The following ST6GALNAC3 variants were observed in gnomAD, a reference collection of about 807,000 sequenced individuals.
ST6GALNAC3 encodes the protein ST6 N-acetylgalactosaminide alpha-2,6-sialyltransferase 3.
Under a neutral mutation model 32.7 loss-of-function variants are expected in ST6GALNAC3, and 25 were observed. That is an observed-to-expected ratio of 0.76 (90% CI 0.56 to 1.07). ST6GALNAC3 has a LOEUF of 1.07. ST6GALNAC3 is among the 50% of genes least tolerant of loss of function. ST6GALNAC3 has a pLI of 0.00. For missense variants in ST6GALNAC3, 355 were observed against 382.4 expected, an observed-to-expected ratio of 0.93 and a Z score of 0.60; for synonymous variants, 129 against 133.1, an observed-to-expected ratio of 0.97 and a Z score of 0.21.
At chr1:76,176,229 C>T (rs1652841916) in intron 1 of ST6GALNAC3, among the ~76,000 whole-genome samples, 2 of 152,156 alleles carry the variant, frequency 1.3e-5, no homozygotes, top group African/African-American at 4.8e-5. Flanking sequence ...CTGGAGATTG[C>T]CCACGCCCTC....
intron 2 of ST6GALNAC3, among the ~76,000 whole-genome samples, chr1:76,354,431 A>G (rs1649274818): frequency 6.6e-6 from 1 of 152,190 alleles, no homozygotes; most frequent in Non-Finnish European, 1.5e-5. Context: ...TGTTCTCAGT[A>G]CCTGGAACAG....
rs1027057099 is a variant in ST6GALNAC3 at position 76,485,154 on chromosome 1, G to T, written c.623+72737G>T. Among the ~76,000 whole-genome samples the T allele has an allele frequency of 9.9e-5, 15 of 152,274 alleles. No homozygotes were observed. The Middle Eastern group carries it at 0.014, about 138-fold the overall frequency. ...TTTTACTGAGGATTTTTGCATCGAT[G>T]TTCATCAGGGATATTGGTCTAAAAT... On this transcript the variant is annotated intron_variant, in intron 3 of 4. Transcript: ENST00000328299.
At chr1:76,158,236 T>C (rs1651585900) in intron 1 of ST6GALNAC3, among the ~76,000 whole-genome samples, 1 of 152,122 alleles carries the variant, frequency 6.6e-6, no homozygotes, top group African/African-American at 2.4e-5. Flanking sequence ...GAACAGGTGG[T>C]TTTACTTTTT....
rs1649261440 is a variant in ST6GALNAC3, at chr1:76,630,845, CCACT to C, written c.*2042_*2045del. 4 of 985,196 alleles carry C rather than the reference CCACT, an allele frequency of 4.1e-6. No homozygotes were observed. Among genetic ancestry groups the C allele is most frequent in the Non-Finnish European group, 4.8e-6 (4 of 829,714 alleles). 61.0% of individuals were successfully genotyped at this position (985,196 alleles called of 1,614,324 possible). ...TTGAGCTAATGATAGATAGAAATGC[CCACT>C]CAAAGAAAAATAAACAGAGACAAAT... is the stretch of plus-strand genomic sequence containing the variant. On this transcript the variant is annotated 3_prime_UTR_variant, in exon 5 of 5. Coordinates refer to ENST00000328299, the MANE Select transcript of ST6GALNAC3 (RefSeq NM_152996.4).
chr1:76,146,368 G>A (rs11162087), intron 1 of ST6GALNAC3, among the ~76,000 whole-genome samples: 79,502 of 152,028 alleles, frequency 0.52, 23,437 homozygotes, highest in East Asian at 0.87. Flanking sequence ...TCAGATGAGA[G>A]GCATTCAGAA....
chr1:76,349,187 C>G (rs1449637743), intron 2 of ST6GALNAC3, among the ~76,000 whole-genome samples: 1 of 152,096 alleles, frequency 6.6e-6, no homozygotes, highest in East Asian at 1.9e-4. Context: ...TAGGGAAATT[C>G]TCTGCTTGTT....
At chr1:76,125,133 A>G (rs1649157494) in intron 1 of ST6GALNAC3, among the ~76,000 whole-genome samples, 1 of 152,184 alleles carries the variant, frequency 6.6e-6, no homozygotes. Flanking sequence ...TGTAGCTTGC[A>G]TTACATGTCT....
At chr1:76,411,142 A>AT (rs1379059004) in intron 2 of ST6GALNAC3, among the ~76,000 whole-genome samples, 1 of 152,146 alleles carries the variant, frequency 6.6e-6, no homozygotes, top group Non-Finnish European at 1.5e-5. Flanking sequence ...AAAGCAATCT[A>AT]TTTGGTTGTT....
chr1:76,407,618 G>A (rs902848753), intron 2 of ST6GALNAC3, among the ~76,000 whole-genome samples: 1 of 151,728 alleles, frequency 6.6e-6, no homozygotes, highest in Admixed American at 6.6e-5. Flanking sequence ...GAATGTACAA[G>A]ATGTTTTCAA....
intron 1 of ST6GALNAC3, among the ~76,000 whole-genome samples, chr1:76,222,217 T>A (rs1037790440): frequency 6.6e-6 from 1 of 152,082 alleles, no homozygotes; most frequent in African/African-American, 2.4e-5. Context: ...AGCAGAATAG[T>A]GAAGCTGGAC....
At chr1:76,410,151 C>A (rs1654123465) in intron 2 of ST6GALNAC3, among the ~76,000 whole-genome samples, 1 of 152,140 alleles carries the variant, frequency 6.6e-6, no homozygotes, top group Admixed American at 6.6e-5. Flanking sequence ...TTCAATGGCG[C>A]TTCATCTCAC....
chr1:76,479,074 TAAG>T (rs1389709900), intron 3 of ST6GALNAC3, among the ~76,000 whole-genome samples: 1 of 152,130 alleles, frequency 6.6e-6, no homozygotes, highest in Non-Finnish European at 1.5e-5. Flanking sequence ...TATTAATTTC[TAAG>T]AGTCTTCCTA....
intron 1 of ST6GALNAC3, among the ~76,000 whole-genome samples, chr1:76,130,825 G>C (rs1036480289): frequency 2.6e-5 from 4 of 152,220 alleles, no homozygotes; most frequent in Non-Finnish European, 5.9e-5. Flanking sequence ...AATCGCAGAG[G>C]TTGCACCCCG....
intron 2 of ST6GALNAC3, among the ~76,000 whole-genome samples, chr1:76,365,040 A>G (rs1162050346): frequency 6.6e-6 from 1 of 152,220 alleles, no homozygotes; most frequent in Non-Finnish European, 1.5e-5. Flanking sequence ...TTATCACAGC[A>G]CCATTCACAA....
chr1:76,636,704 T>C (rs1649513736), downstream of ST6GALNAC3, among the ~76,000 whole-genome samples: 1 of 152,182 alleles, frequency 6.6e-6, no homozygotes, highest in African/African-American at 2.4e-5. Context: ...CCCTTAACAC[T>C]AATAGAATTT....
intron 3 of ST6GALNAC3, among the ~76,000 whole-genome samples, chr1:76,414,276 T>C (rs1315951714): frequency 6.6e-6 from 1 of 152,048 alleles, no homozygotes; most frequent in Non-Finnish European, 1.5e-5. Flanking sequence ...GAAACAGAAA[T>C]ATGGTTTCAG....
chr1:76,627,448 T>C lies in ST6GALNAC3; in HGVS notation c.624-4T>C. 1 of 1,597,340 alleles carries C rather than the reference T, an allele frequency of 6.3e-7. No individual in the cohort carries two copies. The highest frequency in any genetic ancestry group is 8.6e-7 in the Non-Finnish European group (1 of 1,165,566). On this transcript the variant is annotated splice_polypyrimidine_tract_variant and splice_region_variant and intron_variant, in intron 3 of 4. Coordinates refer to ENST00000328299, the MANE Select transcript of ST6GALNAC3 (RefSeq NM_152996.4). ...TTGTTATTGTTTGTTTTCATTTCCC[T>C]CAGAGTCCAGTCTGGCTCATATCTC...
At chr1:76,490,228 C>T (rs1164261077) in intron 3 of ST6GALNAC3, among the ~76,000 whole-genome samples, 5 of 151,972 alleles carry the variant, frequency 3.3e-5, no homozygotes, top group Non-Finnish European at 5.9e-5. Context: ...GCTAGAGAGG[C>T]GAGAGTTTTC....
chr1:76,143,715 G>A (rs963758881), intron 1 of ST6GALNAC3, among the ~76,000 whole-genome samples: 4 of 151,988 alleles, frequency 2.6e-5, no homozygotes, highest in African/African-American at 4.8e-5. Flanking sequence ...AATTGTTATC[G>A]AATAGCAGTG....
Sources: gnomAD v4.1 joint callset for allele counts (sites outside exome capture counted in the v4.1 genomes callset) on GRCh38, gnomAD v4.1.1 for gene constraint, MANE v1.5 for transcripts, NCBI Gene and HGNC (gene_info 2026-07-23, HGNC 2026-07-21) for gene names.